The following BACH1 variants were observed in gnomAD, a reference collection of about 807,000 sequenced individuals.
BACH1 encodes transcription regulator protein BACH1.
A neutral mutation model predicts 52.9 loss-of-function variants in BACH1; 35 were observed. The observed-to-expected ratio is 0.66, with a 90% CI of 0.51 to 0.88. BACH1 has a LOEUF of 0.88. Among genes scored for constraint, BACH1 ranks in the 40% least tolerant of loss-of-function variants. The pLI is 0.00. For missense variants in BACH1, 808 were observed against 872.6 expected (o/e 0.93, Z 0.93); for synonymous variants, 321 against 319.6 (o/e 1.00, Z -0.05).
chr21:29,355,207 T>C lies in BACH1; in HGVS notation c.472+25514T>C, dbSNP rs137930631. Among the ~76,000 whole-genome samples, 272 of 152,314 alleles carry C rather than the reference T, an allele frequency of 1.8e-3. 1 individual carries two copies. Among genetic ancestry groups the C allele is most frequent in the African/African-American group, 6.1e-3 (253 of 41,566 alleles). ...TTGGTCTGTTTTTACAGAGTGCTGA[T>C]TGGTGCGTTTACAAACCTTTAGCTA... On this transcript the variant is annotated intron_variant, in intron 2 of 4. Coordinates refer to the BACH1 transcript ENST00000422809.
intron 2 of BACH1, among the ~76,000 whole-genome samples, chr21:29,357,913 G>T (rs1421329790): frequency 6.6e-6 from 1 of 152,302 alleles, no homozygotes; most frequent in East Asian, 1.9e-4. Flanking sequence ...AATAACTCCA[G>T]CTTTGGCTAC....
In BACH1 at chr21:29,329,507, A is replaced by T; in HGVS notation, c.1590A>T (p.Ala530=). 6.3e-7 allele frequency: 1 copy of T among 1,584,884 alleles called. No individual in the cohort carries two copies. Among genetic ancestry groups the T allele is most frequent in the Non-Finnish European group, 8.6e-7 (1 of 1,168,752 alleles). ...TCTAGGTAAAACTGCCATTCAATGC[A>T]CAACGGATAATTTCACTGTCTCGAA... The part of the protein sequence containing the change: ...QECEVKLPFN[A]QRIISLSRND... Residue 530 remains alanine (A), a synonymous_variant, in exon 4 of 5, where the codon GCA becomes GCT. Transcript: ENST00000286800.
At chr21:29,355,106 C>G (rs2089225894) in intron 2 of BACH1, among the ~76,000 whole-genome samples, 1 of 152,178 alleles carries the variant, frequency 6.6e-6, no homozygotes, top group South Asian at 2.1e-4. Flanking sequence ...CTTTTATTCC[C>G]TTATTTGGCT....
chr21:29,334,214 C>T (rs551539248), intron 4 of BACH1, among the ~76,000 whole-genome samples: 71 of 152,106 alleles, frequency 4.7e-4, no homozygotes, highest in African/African-American at 1.6e-3. Flanking sequence ...TCACCTGCCT[C>T]GGCCTCCCGA....
At chr21:29,341,034 A>G in intron 4 of BACH1, among the ~76,000 whole-genome samples, 1 of 151,992 alleles carries the variant, frequency 6.6e-6, no homozygotes, top group East Asian at 1.9e-4. Flanking sequence ...ACTTTGCCAT[A>G]TAAAAATTTA....
chr21:29,340,830 T>G (rs2089102838), intron 4 of BACH1, among the ~76,000 whole-genome samples: 1 of 152,174 alleles, frequency 6.6e-6, no homozygotes, highest in Non-Finnish European at 1.5e-5. Context: ...GGTACCGTTC[T>G]TGCCCTTTCA....
intron 2 of BACH1, chr21:29,360,930 C>T (rs917462417): frequency 6.6e-6 from 1 of 152,152 alleles, no homozygotes; most frequent in Admixed American, 6.5e-5. Flanking sequence ...CATATCCTGC[C>T]CTCTTGTTTT....
chr21:29,305,288 A>C (rs891866102), intron 1 of BACH1: 1 of 152,078 alleles, frequency 6.6e-6, no homozygotes, highest in African/African-American at 2.4e-5. Context: ...TGTCATCCAG[A>C]GAAGTCAAAG....
intron 1 of BACH1, among the ~76,000 whole-genome samples, chr21:29,313,843 G>A (rs544238080): frequency 1.3e-5 from 2 of 152,284 alleles, no homozygotes; most frequent in East Asian, 1.9e-4. Context: ...TGGAGGAAGG[G>A]GCGTGTGAAA....
chr21:29,353,141 CTGGCCG>C (rs2123489593), intron 2 of BACH1, among the ~76,000 whole-genome samples: 1 of 152,344 alleles, frequency 6.6e-6, no homozygotes, highest in East Asian at 1.9e-4. Context: ...GCCACCGTGC[CTGGCCG>C]GTTACAGTTT....
chr21:29,315,829 CT>C (rs2088780143), intron 1 of BACH1, among the ~76,000 whole-genome samples: 1 of 152,038 alleles, frequency 6.6e-6, no homozygotes, highest in African/African-American at 2.4e-5. Flanking sequence ...AGGCATCATT[CT>C]CATTTTGAAC....
At chr21:29,337,120 C>T (rs965614684) in intron 4 of BACH1, among the ~76,000 whole-genome samples, 9 of 152,152 alleles carry the variant, frequency 5.9e-5, no homozygotes, top group African/African-American at 1.2e-4. Flanking sequence ...TGGGAGAGCC[C>T]GTTCAAGCCA....
At chr21:29,335,908 G>A (rs1163684821) in intron 4 of BACH1, among the ~76,000 whole-genome samples, 4 of 152,120 alleles carry the variant, frequency 2.6e-5, no homozygotes, top group Admixed American at 6.5e-5. Context: ...TTGTTTGAAA[G>A]CTACCATATT....
At chr21:29,318,689 G>A (rs980234753) in intron 1 of BACH1, among the ~76,000 whole-genome samples, 1 of 152,120 alleles carries the variant, frequency 6.6e-6, no homozygotes, top group Non-Finnish European at 1.5e-5. Context: ...GAAGCGGTGG[G>A]CCACAGATGT....
downstream of BACH1, among the ~76,000 whole-genome samples, chr21:29,347,101 G>A (rs548986602): frequency 6.6e-6 from 1 of 152,238 alleles, no homozygotes; most frequent in East Asian, 1.9e-4. Flanking sequence ...GGGTTTAGAG[G>A]AAGGCCAAAA....
At chr21:29,325,743 A>T (rs138314299) in intron 2 of BACH1, among the ~76,000 whole-genome samples, 105 of 152,176 alleles carry the variant, frequency 6.9e-4, no homozygotes, top group African/African-American at 2.5e-3. Flanking sequence ...TAATTCATAG[A>T]TGATTTTTTT....
intron 3 of BACH1, among the ~76,000 whole-genome samples, chr21:29,327,828 T>C (rs1569016496): frequency 6.6e-6 from 1 of 152,282 alleles, no homozygotes; most frequent in East Asian, 1.9e-4. Context: ...CAAAAAATTT[T>C]TTAAAAACAC....
rs1051990937 is a variant in BACH1, at chr21:29,334,312, A to G, written c.1776+4619A>G. Among the ~76,000 whole-genome samples, 4 of 151,958 alleles carry G rather than the reference A, an allele frequency of 2.6e-5. No individual in the cohort carries two copies. The East Asian group carries it at 5.8e-4, about 22-fold the overall frequency. On this transcript the variant is annotated intron_variant, in intron 4 of 4. Transcript: ENST00000286800. ...ACGGGGTTTCACTGTGTTAGCCAGG[A>G]TGGTCTTGATCTCCTGACCTCTTGA...
At chr21:29,331,721 C>T (rs887408177) in intron 4 of BACH1, among the ~76,000 whole-genome samples, 1 of 151,874 alleles carries the variant, frequency 6.6e-6, no homozygotes, top group African/African-American at 2.4e-5. Context: ...GGGTTTTCAT[C>T]GGAAAAATAG....
Sources: gnomAD v4.1 joint callset for allele counts (sites outside exome capture counted in the v4.1 genomes callset) on GRCh38, gnomAD v4.1.1 for gene constraint, MANE v1.5 for transcripts, NCBI Gene and HGNC (gene_info 2026-07-23, HGNC 2026-07-21) for gene names.